SCN1A: variants seen among roughly 807,000 people sequenced by gnomAD.
SCN1A encodes sodium channel protein type 1 subunit alpha.
Under a neutral mutation model 193.7 loss-of-function variants are expected in SCN1A, and 13 were observed. The ratio of observed to expected loss-of-function variants is 0.07; its 90% CI spans 0.04 to 0.11. The LOEUF (loss-of-function observed/expected upper bound fraction) is 0.11, where lower values mean the gene tolerates loss of function less well. SCN1A is among the 10% of genes least tolerant of loss of function. The probability of loss-of-function intolerance (pLI) is 1.00; values close to 1 mark genes in which losing one functional copy is unlikely to be tolerated. For missense variants in SCN1A, 1,432 were observed against 2,451.1 expected (o/e 0.58, Z 8.78); for synonymous variants, 781 against 843.6 (o/e 0.93, Z 1.29).
At chr2:166,148,909 G>A (rs139559152) in intron 1 of SCN1A, 25 of 152,266 alleles carry the variant, frequency 1.6e-4, no homozygotes, top group African/African-American at 5.5e-4. Context: ...CAGGATTACT[G>A]GAAGACTTAC....
In SCN1A at chr2:165,992,476, A is replaced by C. The variant is rs1689393969; in HGVS notation, c.4853-54T>G. 4 of 1,603,740 alleles carry C rather than the reference A, an allele frequency of 2.5e-6. No homozygotes were observed. Among genetic ancestry groups the C allele is most frequent in the Non-Finnish European group, 3.4e-6 (4 of 1,171,600 alleles). Reference sequence around the variant, plus strand: ...AGTGAAGAAATCATGCGTTAAAATAAACATATGTTTCTTCTAAAGCTCCAA... The same window carrying C: ...AGTGAAGAAATCATGCGTTAAAATACACATATGTTTCTTCTAAAGCTCCAA... On this transcript the variant is annotated intron_variant, in intron 28 of 28. Transcript: ENST00000674923. The surrounding 1 kb of genome is among the most constrained non-coding windows in gnomAD (Gnocchi z 6.5).
intron 21 of SCN1A, among the ~76,000 whole-genome samples, chr2:166,012,976 T>A (rs1367334642): frequency 6.6e-6 from 1 of 151,356 alleles, no homozygotes; most frequent in Non-Finnish European, 1.5e-5. Context: ...GGTAAATATA[T>A]GTCTGTGTTA....
chr2:166,107,876 T>G (rs1688862627), intron 2 of SCN1A, among the ~76,000 whole-genome samples: 1 of 152,078 alleles, frequency 6.6e-6, no homozygotes, highest in African/African-American at 2.4e-5. Context: ...GTAAATATGG[T>G]GCACATACAT....
Position 166,083,886 on chromosome 2 carries a change from G to T in SCN1A, c.-141-6085C>A, listed in dbSNP as rs1046548695. Among the ~76,000 whole-genome samples the T allele has an allele frequency of 4.6e-5, 7 of 152,166 alleles. No homozygotes were observed. In the South Asian group the frequency reaches 1.4e-3, roughly 32 times the overall value. ...TAACCTCTTTTAGTAAAGTTTTCCT[G>T]TTAGAAAATAAGTAATCTTATTGTG... On this transcript the variant is annotated intron_variant, in intron 2 of 28. Transcript: ENST00000674923.
At chr2:165,985,188 G>A (rs1161303427), downstream of SCN1A, 9 of 152,042 alleles carry the variant, frequency 5.9e-5, no homozygotes, top group African/African-American at 2.2e-4. Context: ...AGTAGAACAA[G>A]TCATGGAGCA....
intron 19 of SCN1A, among the ~76,000 whole-genome samples, chr2:166,020,370 GACTT>G (rs1158037479): frequency 6.6e-6 from 1 of 152,150 alleles, no homozygotes; most frequent in South Asian, 2.1e-4. Flanking sequence ...CATTCTAATG[GACTT>G]ACTTACAAAA....
chr2:166,075,525 C>CA (rs1316956089), intron 3 of SCN1A, among the ~76,000 whole-genome samples: 2 of 152,018 alleles, frequency 1.3e-5, no homozygotes, highest in African/African-American at 4.8e-5. Context: ...TTACTGGCTA[C>CA]ATGGGTTTCC....
Position 166,047,775 on chromosome 2 carries a change from G to A in SCN1A, c.1029-7C>T, listed in dbSNP as rs1698033637. 1 of 1,613,206 alleles carries A rather than the reference G, an allele frequency of 6.2e-7. No individual in the cohort carries two copies. The highest frequency in any genetic ancestry group is 8.5e-7 in the Non-Finnish European group (1 of 1,179,426). ...ATATCCCTCTGGACATTGGCTGCAA[G>A]TGGGGTAAAAGAAAGTATTACAAGT... On this transcript the variant is annotated splice_region_variant and splice_polypyrimidine_tract_variant and intron_variant, in intron 10 of 28. Coordinates refer to ENST00000674923, the MANE Select transcript of SCN1A (RefSeq NM_001165963.4).
chr2:166,006,839 A>G (rs506075), intron 23 of SCN1A, among the ~76,000 whole-genome samples: 150,790 of 151,224 alleles, frequency 1, 75,179 homozygotes, highest in Middle Eastern at 1. Context: ...TGTACTAAAC[A>G]GCAGGGGCTG....
chr2:166,077,001 T>C (rs1467120699), intron 3 of SCN1A: 1 of 151,964 alleles, frequency 6.6e-6, no homozygotes, highest in Non-Finnish European at 1.5e-5. Flanking sequence ...TCTCTGTTTT[T>C]CTTGGAACTG....
Position 166,036,081 on chromosome 2 carries a change from A to G in SCN1A, c.3396T>C (p.Phe1132=). The part of the protein sequence containing the change: ...SDFENLNTED[F]SSESDLEESK... ...TTTCTTCCAGATCCGATTCACTACTAAAGTCTTCCGTGTTTAAATTTTCAA... is the reference window on the plus strand; with the variant it reads ...TTTCTTCCAGATCCGATTCACTACTGAAGTCTTCCGTGTTTAAATTTTCAA... The change falls in exon 19 of 29, where the codon TTT becomes TTC. Residue 1132 remains phenylalanine (F), a synonymous_variant. Coordinates refer to ENST00000674923, the MANE Select transcript of SCN1A (RefSeq NM_001165963.4). 1 of 1,613,922 alleles carries G rather than the reference A, an allele frequency of 6.2e-7. No individual in the cohort carries two copies. Among genetic ancestry groups the G allele is most frequent in the Non-Finnish European group, 8.5e-7 (1 of 1,179,910 alleles).
chr2:166,042,183 G>C, intron 15 of SCN1A, 109 bp downstream of exon 15: 1 of 1,070,486 alleles, frequency 9.3e-7, no homozygotes, highest in Non-Finnish European at 1.4e-6. Context: ...GAATTAGACT[G>C]TCTTTTCATT....
chr2:166,061,930 TTTTAAAAA>T (rs1199451263), intron 4 of SCN1A, among the ~76,000 whole-genome samples: 1 of 152,214 alleles, frequency 6.6e-6, no homozygotes, highest in African/African-American at 2.4e-5. Context: ...CCTTTATTCA[TTTTAAAAA>T]TTTAAAGAAT....
intron 5 of SCN1A, 126 bp from the exon 6 acceptor site, chr2:166,056,626 G>A: frequency 1.4e-6 from 1 of 706,292 alleles, no homozygotes; most frequent in Non-Finnish European, 2.6e-6. Flanking sequence ...TTGTGGGCAA[G>A]TCTTCTAATC....
Position 166,043,877 on chromosome 2 carries a change from C to T in SCN1A, c.1835G>A (p.Arg612Gln), listed in dbSNP as rs1060502184. The change falls in exon 14 of 29, where the codon CGA becomes CAA. Residue 612 changes from arginine (R) to glutamine (Q), a missense_variant. This residue lies in a region of SCN1A where 316 missense variants were observed against 362.1 expected (regional missense o/e 0.87). Transcript: ENST00000674923. ...ESRRDSLFVP[R>Q]RHGERRNSNL... ...GCTGTTGCGTCTCTCTCCGTGTCGT[C>T]GGGGCACAAACAAGGAATCTCTACG... 3.7e-6 allele frequency: 6 copies of T among 1,614,016 alleles called. No homozygotes were observed. Among genetic ancestry groups the T allele is most frequent in the East Asian group, 2.2e-5 (1 of 44,896 alleles).
intron 2 of SCN1A, chr2:166,104,430 T>C (rs1037309062): frequency 1.7e-4 from 26 of 152,178 alleles, no homozygotes; most frequent in African/African-American, 6.3e-4. Context: ...TACGATATAA[T>C]AATGATTGTG....
chr2:166,136,021 G>T (rs997900251), intron 1 of SCN1A, among the ~76,000 whole-genome samples: 5 of 152,154 alleles, frequency 3.3e-5, no homozygotes, highest in Non-Finnish European at 5.9e-5. Context: ...GCTCATTATG[G>T]GTTGTTGAAA....
intron 2 of SCN1A, among the ~76,000 whole-genome samples, chr2:166,110,751 A>G (rs963125980): frequency 1.3e-5 from 2 of 152,158 alleles, no homozygotes; most frequent in Admixed American, 6.5e-5. Context: ...CCCAAATCTC[A>G]TCTTGAATTG....
intron 17 of SCN1A, 23 bp downstream of exon 17, chr2:166,039,400 G>C (rs769663762): frequency 1.4e-6 from 2 of 1,462,418 alleles, no homozygotes; most frequent in Non-Finnish European, 1.8e-6. Flanking sequence ...TTTGAATTTG[G>C]TGCTTTTTTT....
Sources: gnomAD v4.1 joint callset for allele counts (sites outside exome capture counted in the v4.1 genomes callset) on GRCh38, gnomAD v4.1.1 for gene constraint, gnomAD v4.1.1 regional missense constraint, Gnocchi (gnomAD v3.1) non-coding constraint, MANE v1.5 for transcripts, NCBI Gene and HGNC (gene_info 2026-07-23, HGNC 2026-07-21) for gene names.